The following SLC13A4 variants were observed in gnomAD, a reference collection of about 807,000 sequenced individuals.
SLC13A4 encodes the protein solute carrier family 13 member 4.
SLC13A4 carries 28 observed loss-of-function variants against 72.7 expected under a neutral mutation model. The observed-to-expected ratio is 0.39, with a 90% CI of 0.29 to 0.53. SLC13A4 has a LOEUF of 0.53. Among genes scored for constraint, SLC13A4 ranks in the 20% least tolerant of loss-of-function variants. The probability of loss-of-function intolerance (pLI) is 0.78; values close to 1 mark genes in which losing one functional copy is unlikely to be tolerated. For synonymous variants in SLC13A4, 312 were observed against 325.5 expected (o/e 0.96, Z 0.45); for missense variants, 653 against 788.0 (o/e 0.83, Z 2.05).
intron 10 of SLC13A4, among the ~76,000 whole-genome samples, chr7:135,693,579 A>C (rs1435271246): frequency 2.6e-5 from 4 of 152,216 alleles, no homozygotes; most frequent in Non-Finnish European, 5.9e-5. Flanking sequence ...TGTTTTATGC[A>C]AAGTTGTATG....
intron 2 of SLC13A4, among the ~76,000 whole-genome samples, chr7:135,717,459 A>G (rs1796455856): frequency 6.6e-6 from 1 of 152,198 alleles, no homozygotes; most frequent in Non-Finnish European, 1.5e-5. Flanking sequence ...AGTTGTATAA[A>G]TCCTCCACAA....
At chr7:135,697,602 T>TTC (rs1554476046) in intron 8 of SLC13A4, among the ~76,000 whole-genome samples, 31 of 149,324 alleles carry the variant, frequency 2.1e-4, no homozygotes, top group African/African-American at 2.2e-4. Context: ...TTTTTTTTTT[T>TTC]CTTTTTCATC....
Position 135,727,525 on chromosome 7 carries a change from T to A in SLC13A4, c.-29A>T, listed in dbSNP as rs3112369. 6.5e-7 allele frequency: 1 copy of A among 1,538,552 alleles called. No individual in the cohort carries two copies. ...GCCTCTGTCCTCTCCAGCTCGTCCT[T>A]GGACCCCGCTCTGCCGGCGAAAGGC... On this transcript the variant is annotated 5_prime_UTR_variant, in exon 1 of 16. Transcript: ENST00000682651.
At chr7:135,693,783 T>TGGTG (rs1795843497) in intron 10 of SLC13A4, among the ~76,000 whole-genome samples, 2 of 152,194 alleles carry the variant, frequency 1.3e-5, no homozygotes, top group Admixed American at 1.3e-4. Context: ...CGCACCACTG[T>TGGTG]GGTGGCGCGT....
chr7:135,702,237 C>T (rs1173330081), intron 6 of SLC13A4: 2 of 157,136 alleles, frequency 1.3e-5, no homozygotes, highest in African/African-American at 4.8e-5. Flanking sequence ...TTGTACCCAG[C>T]TGAAGTCCAA....
At chr7:135,700,143 T>A (rs1182155818) in intron 7 of SLC13A4, among the ~76,000 whole-genome samples, 1 of 152,202 alleles carries the variant, frequency 6.6e-6, no homozygotes, top group Non-Finnish European at 1.5e-5. Context: ...GAAGTGTGAT[T>A]ATTTCCTCCT....
intron 8 of SLC13A4, among the ~76,000 whole-genome samples, chr7:135,696,822 A>G (rs114538141): frequency 1.8e-3 from 280 of 152,322 alleles, no homozygotes; most frequent in African/African-American, 6.7e-3. Flanking sequence ...CACCAAATCT[A>G]ATGGATACGT....
intron 7 of SLC13A4, among the ~76,000 whole-genome samples, chr7:135,700,831 G>A (rs150637899): frequency 1.1e-4 from 17 of 152,244 alleles, no homozygotes; most frequent in African/African-American, 4.1e-4. Flanking sequence ...TTTATTTTTA[G>A]TAGAGACGAG....
intron 13 of SLC13A4, among the ~76,000 whole-genome samples, chr7:135,687,675 G>A (rs1017412634): frequency 1.3e-5 from 2 of 152,094 alleles, no homozygotes; most frequent in Admixed American, 1.3e-4. Flanking sequence ...TGTTCCCTCT[G>A]GTAACACATT....
At position 135,681,514 on chromosome 7, in the gene SLC13A4, T is replaced by G. The variant is rs1457668864; in HGVS notation, c.*49A>C. 1.9e-6 allele frequency: 3 copies of G among 1,591,928 alleles called. No individual in the cohort carries two copies. Among genetic ancestry groups the G allele is most frequent in the Non-Finnish European group, 2.6e-6 (3 of 1,167,034 alleles). The stretch of plus-strand genomic sequence containing the variant: ...TTTTCTTTGCCTGTGGTCCAGATAC[T>G]GCTGGATACTGGCAGCTCCTGTGGT... On this transcript the variant is annotated 3_prime_UTR_variant, in exon 16 of 16. Transcript: ENST00000682651.
intron 15 of SLC13A4, among the ~76,000 whole-genome samples, chr7:135,682,824 AAGCT>A (rs1297688559): frequency 6.6e-6 from 1 of 152,120 alleles, no homozygotes; most frequent in African/African-American, 2.4e-5. Flanking sequence ...CCAGTGTAGA[AAGCT>A]AGGGGTCAGT....
chr7:135,709,620 A>C (rs188863337), intron 2 of SLC13A4, among the ~76,000 whole-genome samples: 4 of 152,156 alleles, frequency 2.6e-5, no homozygotes, highest in African/African-American at 4.8e-5. Flanking sequence ...GGAAGTTGAG[A>C]CATAGGGCAG....
chr7:135,706,973 C>T (rs551462901), intron 3 of SLC13A4, among the ~76,000 whole-genome samples: 2 of 152,328 alleles, frequency 1.3e-5, no homozygotes, highest in African/African-American at 2.4e-5. Flanking sequence ...TGTGCCTGTA[C>T]AGACATGTCC....
chr7:135,698,932 CTTTT>C (rs887888937), intron 8 of SLC13A4, among the ~76,000 whole-genome samples: 2 of 151,952 alleles, frequency 1.3e-5, no homozygotes, highest in Admixed American at 6.6e-5. Flanking sequence ...TGCGCCCGGC[CTTTT>C]TTTTGTTTTT....
intron 14 of SLC13A4, 24 bp from the exon 15 acceptor site, chr7:135,684,285 C>G: frequency 6.3e-7 from 1 of 1,578,718 alleles, no homozygotes. Context: ...TTCACAGAAA[C>G]ATTCACGAGA....
chr7:135,692,959 G>C (rs2129494105), intron 10 of SLC13A4: 1 of 152,406 alleles, frequency 6.6e-6, no homozygotes, highest in African/African-American at 2.4e-5. Flanking sequence ...AAATTAGCTG[G>C]GCGTGGTGTC....
At chr7:135,719,803 ATGTGTGTGTG>A (rs113694819) in intron 2 of SLC13A4, among the ~76,000 whole-genome samples, 1 of 104,956 alleles carries the variant, frequency 9.5e-6, no homozygotes, top group Non-Finnish European at 1.8e-5. Context: ...GTGTGTGTGT[ATGTGTGTGTG>A]TGTGTGTGTG....
chr7:135,695,956 G>A (rs1247899928), intron 8 of SLC13A4, among the ~76,000 whole-genome samples: 1 of 152,184 alleles, frequency 6.6e-6, no homozygotes, highest in Non-Finnish European at 1.5e-5. Flanking sequence ...GTGCCCATAA[G>A]AGAACCAGGA....
In SLC13A4 at chr7:135,696,194, C is replaced by T. The variant is rs141165939; in HGVS notation, c.900-707G>A. 3.3e-5 allele frequency among the ~76,000 whole-genome samples: 5 copies of T among 152,160 alleles called. No individual in the cohort carries two copies. The East Asian group carries it at 5.8e-4, about 18-fold the overall frequency. On this transcript the variant is annotated intron_variant, in intron 8 of 15. Transcript: ENST00000682651. ...TTGGGTCTCTGTTTTTGGGGCTGGG[C>T]GTAAAACTCCTCAAGTTGTGAGACA...
Sources: gnomAD v4.1 joint callset for allele counts (sites outside exome capture counted in the v4.1 genomes callset) on GRCh38, gnomAD v4.1.1 for gene constraint, MANE v1.5 for transcripts, NCBI Gene and HGNC (gene_info 2026-07-23, HGNC 2026-07-21) for gene names.